ZNF500: variants seen among roughly 807,000 people sequenced by gnomAD.
ZNF500 encodes zinc finger protein with KRAB and SCAN domains 18.
ZNF500 carries 31 observed loss-of-function variants against 30.1 expected under a neutral mutation model. That is an observed-to-expected ratio of 1.03 (90% CI 0.77 to 1.39). The LOEUF is 1.39. Ranked by LOEUF, ZNF500 falls within the 40% of genes most tolerant of loss-of-function variation. ZNF500 has a pLI of 0.00. For missense variants in ZNF500, 817 were observed against 657.8 expected, an observed-to-expected ratio of 1.24 and a Z score of -2.65; for synonymous variants, 392 against 282.0, an observed-to-expected ratio of 1.39 and a Z score of -3.91.
chr16:4,758,051 G>A (rs996720820), intron 5 of ZNF500, among the ~76,000 whole-genome samples: 5 of 150,458 alleles, frequency 3.3e-5, no homozygotes, highest in Non-Finnish European at 5.9e-5. Context: ...ATAGGCACCC[G>A]CCATCACGCC....
chr16:4,752,271 AG>A lies in ZNF500; in HGVS notation c.*104del. ...TGCTGGCCTCATACTGGGCCATGGG[AG>A]GAAACGGGCAGCTGGCAATGCTTTC... On this transcript the variant is annotated 3_prime_UTR_variant, in exon 6 of 6. Transcript: ENST00000219478. 7.0e-7 allele frequency: 1 copy of A among 1,429,356 alleles called. No homozygotes were observed. The highest frequency in any genetic ancestry group is 9.1e-7 in the Non-Finnish European group (1 of 1,097,058). The allele number at this position is 1,429,356 out of a possible 1,614,324, so 88.5% of individuals were successfully genotyped here.
chr16:4,753,695 G>C (rs566118781), intron 5 of ZNF500, among the ~76,000 whole-genome samples: 1 of 152,358 alleles, frequency 6.6e-6, no homozygotes, highest in East Asian at 1.9e-4. Context: ...GCAAGGTCTG[G>C]AGACATTTTT....
In ZNF500 at chr16:4,751,226, C is replaced by T. The variant is rs1190861050; in HGVS notation, c.*1150G>A. The T allele has an allele frequency of 2.5e-5, 5 of 199,966 alleles. No homozygotes were observed. Among genetic ancestry groups the T allele is most frequent in the Non-Finnish European group, 4.0e-5 (4 of 99,278 alleles). 12.4% of individuals were successfully genotyped at this position (199,966 alleles called of 1,614,324 possible). A position where few individuals can be genotyped will look rare whatever the true frequency, so the allele number is the denominator to read the frequency against. The stretch of plus-strand genomic sequence containing the variant: ...CTGCTTGTCTTGGCCACTCACCCAC[C>T]GTGGATGTGCACAGACCAGTGGCTC... On this transcript the variant is annotated 3_prime_UTR_variant, in exon 6 of 6. Coordinates refer to ENST00000219478, the MANE Select transcript of ZNF500 (RefSeq NM_021646.4).
chr16:4,746,708 C>T, downstream of ZNF500: 1 of 839,386 alleles, frequency 1.2e-6, no homozygotes, highest in Non-Finnish European at 1.8e-6. Context: ...AGGCACACCT[C>T]CTCGGGCTGG....
Position 4,749,479 on chromosome 16 carries a change from C to G in ZNF500, c.*2897G>C, listed in dbSNP as rs759596132. ...TCCAAAGCTGGCTCTGCCACCTGGGCAAGGTTTTCACGCTCCCAGTGCCCA... is the reference window on the plus strand; with the variant it reads ...TCCAAAGCTGGCTCTGCCACCTGGGGAAGGTTTTCACGCTCCCAGTGCCCA... On this transcript the variant is annotated 3_prime_UTR_variant, in exon 6 of 6. Transcript: ENST00000219478. The G allele has an allele frequency of 1.3e-5, 2 of 154,398 alleles. No individual in the cohort carries two copies. Among genetic ancestry groups the G allele is most frequent in the African/African-American group, 2.4e-5 (1 of 41,518 alleles). The allele number at this position is 154,398 out of a possible 1,614,324, so 9.6% of individuals were successfully genotyped here. A position where few individuals can be genotyped will look rare whatever the true frequency, so the allele number is the denominator to read the frequency against.
rs2082064417 is a variant in ZNF500 at position 4,750,211 on chromosome 16, G to A, written c.*2165C>T. The stretch of plus-strand genomic sequence containing the variant: ...GGCCACATCTAGCTGGGTACCTCAT[G>A]CCCCATGAGAGATCCCAGAGCTAGT... On this transcript the variant is annotated 3_prime_UTR_variant, in exon 6 of 6. Transcript: ENST00000219478. The A allele has an allele frequency of 6.6e-6, 1 of 152,330 alleles. No homozygotes were observed. The highest frequency in any genetic ancestry group is 1.5e-5 in the Non-Finnish European group (1 of 68,154). The allele number at this position is 152,330 out of a possible 1,614,324, so 9.4% of individuals were successfully genotyped here.
intron 5 of ZNF500, among the ~76,000 whole-genome samples, chr16:4,757,607 G>C (rs1480366098): frequency 6.7e-6 from 1 of 149,498 alleles, no homozygotes; most frequent in Admixed American, 6.7e-5. Context: ...GCCCGTTTTT[G>C]TTTTTGTTTT....
At chr16:4,765,533 C>A (rs200954331) in intron 2 of ZNF500, 32 bp downstream of exon 2, 13 of 1,548,436 alleles carry the variant, frequency 8.4e-6, no homozygotes, top group Non-Finnish European at 1.0e-5. Context: ...GGCCCCATTT[C>A]CTCACCTGAG....
chr16:4,751,421 A>G lies in ZNF500; in HGVS notation c.*955T>C. On this transcript the variant is annotated 3_prime_UTR_variant, in exon 6 of 6. Transcript: ENST00000219478. ...TCAGGCCCGTCACATCCCAGGCAAC[A>G]TGTCAGGAAGATGGAACTCAGGGGT... The G allele has an allele frequency of 1.5e-6, 1 of 687,910 alleles. No individual in the cohort carries two copies. Among genetic ancestry groups the G allele is most frequent in the Admixed American group, 3.1e-5 (1 of 32,356 alleles). The allele number at this position is 687,910 out of a possible 1,614,324, so 42.6% of individuals were successfully genotyped here.
At position 4,751,307 on chromosome 16, in the gene ZNF500, G is replaced by A. The variant is rs2082075044; in HGVS notation, c.*1069C>T. ...AGGTGAAGGCTTCTTACCTTAGAAA[G>A]ACAAAGTGGGGCAACCGTGGAAGGC... On this transcript the variant is annotated 3_prime_UTR_variant, in exon 6 of 6. Coordinates refer to ENST00000219478, the MANE Select transcript of ZNF500 (RefSeq NM_021646.4). 1 of 439,766 alleles carries A rather than the reference G, an allele frequency of 2.3e-6. No homozygotes were observed. Among genetic ancestry groups the A allele is most frequent in the Non-Finnish European group, 4.1e-6 (1 of 243,176 alleles). The allele number at this position is 439,766 out of a possible 1,614,324, so 27.2% of individuals were successfully genotyped here.
rs1238490459 is a variant in ZNF500, at chr16:4,752,550, G to A, written c.1269C>T (p.His423=). 2.5e-6 allele frequency: 4 copies of A among 1,570,964 alleles called. No homozygotes were observed. The highest frequency in any genetic ancestry group is 1.9e-5 in the Admixed American group (1 of 53,758). Residue 423 remains histidine (H), a synonymous_variant, in exon 6 of 6, where the codon CAC becomes CAT. Coordinates refer to ENST00000219478, the MANE Select transcript of ZNF500 (RefSeq NM_021646.4). ...QCGKRFNNSS[H]FSAHRRTHTG... ...TGTGCGTCCGGCGGTGGGCGCTGAA[G>A]TGCGAGCTGTTGTTGAAGCGCTTCC...
In ZNF500 at chr16:4,752,666, C is replaced by T. The variant is rs543973140; in HGVS notation, c.1153G>A (p.Glu385Lys). The T allele has an allele frequency of 6.8e-6, 11 of 1,613,576 alleles. No homozygotes were observed. The highest frequency in any genetic ancestry group is 4.5e-5 in the East Asian group (2 of 44,852). ...CTCTGGCTGAAGCGCTTCCCACACT[C>T]GGGGCACGGGTAGGGCTTCTCGCCT... ...HTGEKPYPCP[E>K]CGKRFSQSSS... The change falls in exon 6 of 6, where the codon GAG becomes AAG. Residue 385 changes from glutamate to lysine, a missense_variant. Physicochemically the swap from Glu to Lys is moderately conservative, Grantham distance 56. Transcript: ENST00000219478.
chr16:4,762,019 T>G (rs1018855856), intron 4 of ZNF500, among the ~76,000 whole-genome samples: 3 of 152,102 alleles, frequency 2.0e-5, no homozygotes, highest in African/African-American at 7.2e-5. Flanking sequence ...CCACCCTGTC[T>G]CACTGGTGGA....
At chr16:4,758,325 T>C (rs1309929013) in intron 5 of ZNF500, 1 of 152,110 alleles carries the variant, frequency 6.6e-6, no homozygotes, top group African/African-American at 2.4e-5. Flanking sequence ...AGAGGGAAGC[T>C]GTGTCTGGGC....
At position 4,762,620 on chromosome 16, in the gene ZNF500, T is replaced by G; in HGVS notation, c.551A>C (p.Gln184Pro). The G allele has an allele frequency of 6.2e-7, 1 of 1,614,100 alleles. No individual in the cohort carries two copies. Among genetic ancestry groups the G allele is most frequent in the Non-Finnish European group, 8.5e-7 (1 of 1,179,978 alleles). The change falls in exon 3 of 6, where the codon CAG becomes CCG. Residue 184 changes from glutamine (Q) to proline (P), a missense_variant. Coordinates refer to ENST00000219478, the MANE Select transcript of ZNF500 (RefSeq NM_021646.4). ...GCCCCTCTGTGGCCTGTGGCTCAGC[T>G]GGGCTGGGGGCTGCTGGCTGGAGAA... ...ARFSSQQPPA[Q>P]LSHRPQRGPL...
intron 1 of ZNF500, among the ~76,000 whole-genome samples, chr16:4,766,550 G>C (rs1429429766): frequency 6.6e-6 from 1 of 152,200 alleles, no homozygotes; most frequent in African/African-American, 2.4e-5. Flanking sequence ...GAACCCGGGA[G>C]ATGGAGGTTG....
intron 5 of ZNF500, chr16:4,758,667 A>C (rs974938462): frequency 6.6e-6 from 1 of 152,212 alleles, no homozygotes; most frequent in Non-Finnish European, 1.5e-5. Context: ...CGTGACAACC[A>C]AAAATGTCTC....
rs144156976 is a variant in ZNF500 at position 4,755,562 on chromosome 16, C to T, written c.761-2504G>A. 2.8e-3 allele frequency among the ~76,000 whole-genome samples: 424 copies of T among 152,308 alleles called. 2 individuals are homozygous for T. The highest frequency in any genetic ancestry group is 9.8e-3 in the African/African-American group (406 of 41,554). ...GAACTCCTGACCTCAGGTGACCCAA[C>T]CGCCTTGGCCTCCCAAAGTGCTGAG... On this transcript the variant is annotated intron_variant, in intron 5 of 5. Coordinates refer to ENST00000219478, the MANE Select transcript of ZNF500 (RefSeq NM_021646.4).
downstream of ZNF500, chr16:4,746,963 G>C (rs184886290): frequency 7.1e-6 from 11 of 1,554,604 alleles, no homozygotes; most frequent in South Asian, 1.1e-4. Flanking sequence ...AGGAGGAGGA[G>C]GAGGAAGAGA....
Sources: gnomAD v4.1 joint callset for allele counts (sites outside exome capture counted in the v4.1 genomes callset) on GRCh38, gnomAD v4.1.1 for gene constraint, MANE v1.5 for transcripts, NCBI Gene and HGNC (gene_info 2026-07-23, HGNC 2026-07-21) for gene names.